Variants in BAAT observed in about 807,000 individuals in gnomAD.
BAAT encodes bile acid-CoA:amino acid N-acyltransferase.
A neutral mutation model predicts 18.9 loss-of-function variants in BAAT; 13 were observed. The ratio of observed to expected loss-of-function variants is 0.69; its 90% confidence interval spans 0.45 to 1.10. The LOEUF (loss-of-function observed/expected upper bound fraction) is 1.10. BAAT is among the 50% of genes least tolerant of loss of function. The probability of loss-of-function intolerance (pLI) is 0.00; values close to 1 mark genes in which losing one functional copy is unlikely to be tolerated. For missense variants in BAAT, 489 were observed against 504.0 expected, an observed-to-expected ratio of 0.97 and a Z score of 0.28; for synonymous variants, 170 against 190.7, an observed-to-expected ratio of 0.89 and a Z score of 0.89.
intron 2 of BAAT, among the ~76,000 whole-genome samples, chr9:101,370,212 T>G (rs1413965160): frequency 6.6e-6 from 1 of 152,006 alleles, no homozygotes; most frequent in Non-Finnish European, 1.5e-5. Context: ...AAGATAAGGC[T>G]GAAGAAGTAT....
chr9:101,384,859 C>T lies in BAAT; in HGVS notation c.-64G>A, dbSNP rs1483998977. On this transcript the variant is annotated 5_prime_UTR_variant, in exon 1 of 4. Transcript: ENST00000259407. ...GTAAATGAAAAAAATACATACCTAG[C>T]AAGAGAACCTGCCCCCAAAATTTCA... Among the ~76,000 whole-genome samples the T allele has an allele frequency of 1.3e-5, 2 of 152,036 alleles. No individual in the cohort carries two copies. The highest frequency in any genetic ancestry group is 2.9e-5 in the Non-Finnish European group (2 of 68,004).
intron 1 of BAAT, among the ~76,000 whole-genome samples, chr9:101,374,500 A>G (rs987309541): frequency 6.6e-6 from 1 of 152,180 alleles, no homozygotes; most frequent in African/African-American, 2.4e-5. Flanking sequence ...CCAAACTAGA[A>G]TTCCAATATT....
chr9:101,372,670 T>C (rs1829974186), intron 1 of BAAT, among the ~76,000 whole-genome samples: 1 of 149,684 alleles, frequency 6.7e-6, no homozygotes, highest in Admixed American at 6.7e-5. Flanking sequence ...TTGTAACTCA[T>C]TAGATTACTG....
At chr9:101,366,496 A>G (rs1277393455) in intron 3 of BAAT, among the ~76,000 whole-genome samples, 1 of 152,182 alleles carries the variant, frequency 6.6e-6, no homozygotes, top group Non-Finnish European at 1.5e-5. Context: ...GGGGAAAAAA[A>G]TCTGGTTTCC....
Position 101,365,354 on chromosome 9 carries a change from T to A in BAAT, c.670-2339A>T, listed in dbSNP as rs1210089969. 2.0e-5 allele frequency among the ~76,000 whole-genome samples: 3 copies of A among 151,528 alleles called. No homozygotes were observed. In the East Asian group the frequency reaches 5.8e-4, roughly 29 times the overall value. On this transcript the variant is annotated intron_variant, in intron 3 of 3. Transcript: ENST00000259407. ...CAATATACAACTCATGCCAAGCTGATGAAAATGTGAGAAATTCTTAGGGTA... is the reference window on the plus strand; with the variant it reads ...CAATATACAACTCATGCCAAGCTGAAGAAAATGTGAGAAATTCTTAGGGTA...
chr9:101,369,915 G>A (rs1391407266), intron 2 of BAAT, among the ~76,000 whole-genome samples: 1 of 152,064 alleles, frequency 6.6e-6, no homozygotes, highest in Admixed American at 6.6e-5. Context: ...GAAACTATGA[G>A]CGTTCTGATA....
intron 3 of BAAT, among the ~76,000 whole-genome samples, chr9:101,367,133 A>AG (rs1829844065): frequency 6.6e-6 from 1 of 151,192 alleles, no homozygotes; most frequent in Non-Finnish European, 1.5e-5. Flanking sequence ...AAAAAAAAAA[A>AG]AGGAAAGGAA....
chr9:101,367,153 A>T (rs1829845242), intron 3 of BAAT, among the ~76,000 whole-genome samples: 2 of 151,470 alleles, frequency 1.3e-5, no homozygotes. Context: ...AAGAAAAAAT[A>T]TTGGGCAATT....
At chr9:101,376,184 C>T in intron 1 of BAAT, 1 of 170,676 alleles carries the variant, frequency 5.9e-6, no homozygotes. Context: ...TTTTTTTCTG[C>T]ACTTCATATT....
At chr9:101,364,243 T>C (rs1288604349) in intron 3 of BAAT, among the ~76,000 whole-genome samples, 4 of 152,074 alleles carry the variant, frequency 2.6e-5, no homozygotes, top group African/African-American at 9.7e-5. Context: ...ACCTAAGGAC[T>C]TTTTTTGCCC....
chr9:101,363,521 A>G (rs1829772316), intron 3 of BAAT, among the ~76,000 whole-genome samples: 1 of 152,156 alleles, frequency 6.6e-6, no homozygotes, highest in Admixed American at 6.5e-5. Flanking sequence ...TTCCTCCCTC[A>G]TTGTCAGTCA....
intron 3 of BAAT, among the ~76,000 whole-genome samples, 196 bp from the exon 4 acceptor site, chr9:101,363,211 C>G (rs16920259): frequency 6.6e-6 from 1 of 151,992 alleles, no homozygotes; most frequent in Non-Finnish European, 1.5e-5. Flanking sequence ...CAAGCTTTAC[C>G]GACTATATAT....
At chr9:101,376,804 T>C (rs192707391) in intron 1 of BAAT, among the ~76,000 whole-genome samples, 215 of 152,312 alleles carry the variant, frequency 1.4e-3, no homozygotes, top group African/African-American at 5.0e-3. Flanking sequence ...GAAGAAATGA[T>C]ATAGATACAA....
intron 1 of BAAT, among the ~76,000 whole-genome samples, chr9:101,384,110 T>C (rs970025647): frequency 6.6e-6 from 1 of 152,144 alleles, no homozygotes; most frequent in Admixed American, 6.6e-5. Flanking sequence ...ATTTAAAAAG[T>C]GCAAACTTAA....
chr9:101,382,418 G>A (rs1406002717), intron 1 of BAAT, among the ~76,000 whole-genome samples: 1 of 152,100 alleles, frequency 6.6e-6, no homozygotes, highest in Non-Finnish European at 1.5e-5. Context: ...AGCACAAGCA[G>A]GGCACCATGC....
chr9:101,382,170 C>T (rs888917355), intron 1 of BAAT, among the ~76,000 whole-genome samples: 3 of 152,128 alleles, frequency 2.0e-5, no homozygotes, highest in Non-Finnish European at 2.9e-5. Context: ...CTCTGCTTCT[C>T]TAAAATAACA....
intron 1 of BAAT, chr9:101,383,380 G>A (rs1353548913): frequency 6.6e-6 from 1 of 152,138 alleles, no homozygotes; most frequent in East Asian, 1.9e-4. Flanking sequence ...AAACACTGAG[G>A]TAAATAAACT....
At chr9:101,374,399 C>T (rs542718102) in intron 1 of BAAT, among the ~76,000 whole-genome samples, 2 of 150,202 alleles carry the variant, frequency 1.3e-5, no homozygotes, top group Admixed American at 1.3e-4. Flanking sequence ...TTTCTAAGTT[C>T]AGCACTAAAA....
chr9:101,382,806 A>G (rs1398613963), intron 1 of BAAT, among the ~76,000 whole-genome samples: 1 of 152,244 alleles, frequency 6.6e-6, no homozygotes, highest in Non-Finnish European at 1.5e-5. Context: ...TATCACATGC[A>G]TCAACCAGCG....
Sources: allele counts gnomAD v4.1 joint callset (sites outside exome capture counted in the v4.1 genomes callset), GRCh38; gene constraint gnomAD v4.1.1; transcripts MANE v1.5; gene names NCBI Gene and HGNC (gene_info 2026-07-23, HGNC 2026-07-21).